The following CAMK2A variants were observed in gnomAD, a reference collection of about 807,000 sequenced individuals.
The protein encoded by CAMK2A is calcium/calmodulin-dependent protein kinase type II subunit alpha.
CAMK2A carries 7 observed loss-of-function variants against 79.2 expected under a neutral mutation model. That is an observed-to-expected ratio of 0.09 (90% CI 0.05 to 0.17). CAMK2A has a LOEUF of 0.17. Ranked by LOEUF, CAMK2A falls within the 10% of genes least tolerant of loss-of-function variation. CAMK2A has a pLI of 1.00. For missense variants in CAMK2A, 214 were observed against 646.4 expected, an observed-to-expected ratio of 0.33 and a Z score of 7.25; for synonymous variants, 242 against 251.7, an observed-to-expected ratio of 0.96 and a Z score of 0.36.
chr5:150,225,041 GGAGAGAGAGAGAGA>G (rs58360121), intron 17 of CAMK2A, among the ~76,000 whole-genome samples: 11 of 108,894 alleles, frequency 1.0e-4, no homozygotes, highest in Admixed American at 9.3e-4. Context: ...TGGTAGGTAG[GGAGAGAGAGAGAGA>G]GAGAGAGAGA....
chr5:150,253,246 T>C (rs1235161978), intron 7 of CAMK2A, among the ~76,000 whole-genome samples, 198 bp downstream of exon 7: 1 of 152,166 alleles, frequency 6.6e-6, no homozygotes, highest in African/African-American at 2.4e-5. Flanking sequence ...TAGGGTCCCA[T>C]GCCTGAACCC....
chr5:150,264,346 A>G (rs1756416977), intron 3 of CAMK2A, among the ~76,000 whole-genome samples: 1 of 152,226 alleles, frequency 6.6e-6, no homozygotes, highest in Admixed American at 6.5e-5. Context: ...TCCTGCCCTC[A>G]TGACTCAGCA....
At chr5:150,241,292 C>T (rs1755323158) in intron 13 of CAMK2A, among the ~76,000 whole-genome samples, 1 of 152,162 alleles carries the variant, frequency 6.6e-6, no homozygotes, top group African/African-American at 2.4e-5. Flanking sequence ...AGCCTGCAGT[C>T]AGCCCCTCAT....
chr5:150,284,045 T>A lies in CAMK2A; in HGVS notation c.62+5519A>T, dbSNP rs1315128714. Among the ~76,000 whole-genome samples, 1 of 152,168 alleles carries A rather than the reference T, an allele frequency of 6.6e-6. No individual in the cohort carries two copies. The highest frequency in any genetic ancestry group is 6.5e-5 in the Admixed American group (1 of 15,276). On this transcript the variant is annotated intron_variant, in intron 1 of 18. Transcript: ENST00000671881. The surrounding 1 kb of genome is among the most constrained non-coding windows in gnomAD (Gnocchi z 5.3). ...CTGCACCTGCACTCAGCAGGTTGCC[T>A]GGGGTAGGAGGCTTCCTACAGTGCC...
chr5:150,221,809 C>A lies in CAMK2A; in HGVS notation c.*901G>T. On this transcript the variant is annotated 3_prime_UTR_variant, in exon 19 of 19. Coordinates refer to ENST00000671881, the MANE Select transcript of CAMK2A (RefSeq NM_015981.4). ...TACCCCTCACCCCTCTTCCTACACCCCTTCCAACCTGACCCTTCTCACAAT... is the reference window on the plus strand; with the variant it reads ...TACCCCTCACCCCTCTTCCTACACCACTTCCAACCTGACCCTTCTCACAAT... 1 of 392,860 alleles carries A rather than the reference C, an allele frequency of 2.5e-6. No homozygotes were observed. Among genetic ancestry groups the A allele is most frequent in the Non-Finnish European group, 4.5e-6 (1 of 223,160 alleles). The allele number at this position is 392,860 out of a possible 1,614,324, so 24.3% of individuals were successfully genotyped here.
intron 1 of CAMK2A, among the ~76,000 whole-genome samples, chr5:150,281,271 AT>A (rs1757203502): frequency 1.3e-5 from 2 of 152,248 alleles, no homozygotes; most frequent in Non-Finnish European, 2.9e-5. Context: ...TCCTGGTCAA[AT>A]GCAGATAGAT....
chr5:150,250,211 G>T lies in CAMK2A; in HGVS notation c.900+15C>A, dbSNP rs767271782. On this transcript the variant is annotated intron_variant, in intron 11 of 18. Coordinates refer to ENST00000671881, the MANE Select transcript of CAMK2A (RefSeq NM_015981.4). ...AGTCCCATGGCCAGGACTGTGGAGG[G>T]TGAGGACCTGTTACCTTCAGTTTCC... 2 of 1,606,016 alleles carry T rather than the reference G, an allele frequency of 1.2e-6. No individual in the cohort carries two copies. The highest frequency in any genetic ancestry group is 1.7e-6 in the Non-Finnish European group (2 of 1,172,678).
At position 150,222,253 on chromosome 5, in the gene CAMK2A, G is replaced by C; in HGVS notation, c.*457C>G. The C allele has an allele frequency of 1.9e-6, 1 of 540,308 alleles. No homozygotes were observed. The highest frequency in any genetic ancestry group is 3.3e-6 in the Non-Finnish European group (1 of 298,698). The allele number at this position is 540,308 out of a possible 1,614,324, so 33.5% of individuals were successfully genotyped here. On this transcript the variant is annotated 3_prime_UTR_variant, in exon 19 of 19. Transcript: ENST00000671881. Reference sequence around the variant, plus strand: ...CAGTGCGGTTGGCTTAGGGGGAAGGGAGTGTCATCTGCCCTTCCCCGGGGA... The same window carrying C: ...CAGTGCGGTTGGCTTAGGGGGAAGGCAGTGTCATCTGCCCTTCCCCGGGGA...
chr5:150,271,635 A>AC (rs1454377122), intron 2 of CAMK2A, among the ~76,000 whole-genome samples: 5 of 151,972 alleles, frequency 3.3e-5, no homozygotes, highest in African/African-American at 4.8e-5. Context: ...ACCTGCACCC[A>AC]CCTCACCCAA....
chr5:150,286,592 C>T (rs1757434694), intron 1 of CAMK2A, among the ~76,000 whole-genome samples: 1 of 152,266 alleles, frequency 6.6e-6, no homozygotes, highest in East Asian at 1.9e-4. Flanking sequence ...CTTTTCCAGT[C>T]ACCCTGCTAG....
intron 7 of CAMK2A, among the ~76,000 whole-genome samples, chr5:150,252,930 C>T (rs1330721498): frequency 6.6e-6 from 1 of 152,210 alleles, no homozygotes; most frequent in African/African-American, 2.4e-5. Context: ...ATATTGCCCA[C>T]TAAAAAGTAC....
chr5:150,279,771 G>A (rs1168385602), intron 1 of CAMK2A, among the ~76,000 whole-genome samples: 1 of 152,216 alleles, frequency 6.6e-6, no homozygotes, highest in Non-Finnish European at 1.5e-5. Flanking sequence ...GCAGACAGAC[G>A]GAGAGGGCAC....
At chr5:150,231,539 T>A (rs1421131574) in intron 15 of CAMK2A, among the ~76,000 whole-genome samples, 159 bp from the exon 16 acceptor site, 2 of 151,404 alleles carry the variant, frequency 1.3e-5, no homozygotes, top group Non-Finnish European at 2.9e-5. Flanking sequence ...GATGATCTCA[T>A]TTATCCTCGC....
chr5:150,259,247 G>A (rs984709968), intron 3 of CAMK2A, among the ~76,000 whole-genome samples: 4 of 151,952 alleles, frequency 2.6e-5, no homozygotes, highest in Admixed American at 6.6e-5. Flanking sequence ...TAGGCCAGGT[G>A]CGGTGGCTCA....
intron 12 of CAMK2A, among the ~76,000 whole-genome samples, chr5:150,245,813 T>C (rs566202410): frequency 6.6e-6 from 1 of 152,328 alleles, no homozygotes; most frequent in African/African-American, 2.4e-5. Flanking sequence ...TGGCACTGGC[T>C]ATGGCCCGGG....
chr5:150,234,697 C>G (rs1754989129), intron 15 of CAMK2A, among the ~76,000 whole-genome samples: 1 of 152,148 alleles, frequency 6.6e-6, no homozygotes, highest in Non-Finnish European at 1.5e-5. Context: ...CTGAGGACAT[C>G]CTGGAGTCTC....
Position 150,257,586 on chromosome 5 carries a change from TC to T in CAMK2A, c.248del (p.Gly83AspfsTer5). The part of the protein sequence containing the change: ...VRLHDSISEE[G>X]HHYLIFDLVT... ...ACAGGTCGAAGATCAGGTAGTGGTG[TC>T]CCTCCTCTGAGATGCTGTCATGTAG... On this transcript the variant is annotated frameshift_variant, in exon 4 of 19. Transcript: ENST00000671881. LOFTEE classifies it high-confidence loss of function. 6.4e-7 allele frequency: 1 copy of T among 1,570,548 alleles called. No homozygotes were observed. The highest frequency in any genetic ancestry group is 8.6e-7 in the Non-Finnish European group (1 of 1,157,870).
intron 4 of CAMK2A, 100 bp downstream of exon 4, chr5:150,257,463 G>A: frequency 9.4e-7 from 1 of 1,062,926 alleles, no homozygotes; most frequent in Non-Finnish European, 1.4e-6. Flanking sequence ...GGGAAACTCT[G>A]GACCACAAGA....
intron 15 of CAMK2A, among the ~76,000 whole-genome samples, chr5:150,231,964 C>G (rs1041963557): frequency 6.6e-6 from 1 of 152,188 alleles, no homozygotes; most frequent in Non-Finnish European, 1.5e-5. Context: ...CCAGAACTTT[C>G]TAGGCATAAT....
Sources: gnomAD v4.1 joint callset for allele counts (sites outside exome capture counted in the v4.1 genomes callset) on GRCh38, gnomAD v4.1.1 for gene constraint, Gnocchi (gnomAD v3.1) non-coding constraint, MANE v1.5 for transcripts, NCBI Gene and HGNC (gene_info 2026-07-23, HGNC 2026-07-21) for gene names.